Variants in CNTN5 observed in about 807,000 individuals in gnomAD.
CNTN5 encodes contactin-5.
Under a neutral mutation model 129.1 loss-of-function variants are expected in CNTN5, and 77 were observed. That is an observed-to-expected ratio of 0.60 (90% CI 0.50 to 0.72). CNTN5 has a LOEUF of 0.72. CNTN5 is among the 30% of genes least tolerant of loss of function. The pLI, the probability that CNTN5 is intolerant of heterozygous loss-of-function variation, is 0.00. For synonymous variants in CNTN5, 509 were observed against 465.6 expected (o/e 1.09, Z -1.20); for missense variants, 1,478 against 1,328.8 (o/e 1.11, Z -1.75).
At chr11:99,943,171 A>T (rs878929927) in intron 7 of CNTN5, among the ~76,000 whole-genome samples, 2 of 151,986 alleles carry the variant, frequency 1.3e-5, no homozygotes, top group African/African-American at 4.8e-5. Context: ...AAGCGTTTCT[A>T]TTTCTCCACA....
At chr11:100,264,978 G>C (rs1950272976) in intron 17 of CNTN5, among the ~76,000 whole-genome samples, 1 of 152,102 alleles carries the variant, frequency 6.6e-6, no homozygotes, top group Admixed American at 6.6e-5. Flanking sequence ...TTTCTCTAAT[G>C]ATAAGTGATG....
At chr11:99,528,055 A>G (rs530069970) in intron 2 of CNTN5, among the ~76,000 whole-genome samples, 4 of 152,350 alleles carry the variant, frequency 2.6e-5, no homozygotes, top group Admixed American at 2.6e-4. Flanking sequence ...GAAACAATCA[A>G]TATAAAAATA....
intron 2 of CNTN5, among the ~76,000 whole-genome samples, chr11:99,348,326 G>A (rs1176271119): frequency 2.0e-5 from 3 of 152,260 alleles, no homozygotes; most frequent in East Asian, 1.9e-4. Flanking sequence ...GCGACAGAGC[G>A]AGACTCCGTC....
At chr11:100,228,275 A>AT (rs1949420629) in intron 16 of CNTN5, among the ~76,000 whole-genome samples, 1 of 152,172 alleles carries the variant, frequency 6.6e-6, no homozygotes, top group African/African-American at 2.4e-5. Context: ...AACTTGAACA[A>AT]TTTTCACTTC....
intron 6 of CNTN5, among the ~76,000 whole-genome samples, chr11:99,874,476 C>A (rs1024579174): frequency 3.3e-5 from 5 of 152,054 alleles, no homozygotes; most frequent in Non-Finnish European, 1.5e-5. Context: ...TGAATTCTTT[C>A]CTCAGGAGGG....
intron 9 of CNTN5, chr11:100,004,024 T>C (rs142957138): frequency 6.6e-6 from 1 of 152,350 alleles, no homozygotes; most frequent in African/African-American, 2.4e-5. Context: ...CACATTGTCT[T>C]GTGGTGTGGA....
chr11:99,852,900 AT>A (rs1947917779), intron 6 of CNTN5, among the ~76,000 whole-genome samples: 3 of 152,166 alleles, frequency 2.0e-5, no homozygotes, highest in Admixed American at 1.3e-4. Context: ...AGCATAGGAG[AT>A]TCCAAAGCAC....
At chr11:99,929,513 G>T (rs1950142312) in intron 7 of CNTN5, among the ~76,000 whole-genome samples, 1 of 152,196 alleles carries the variant, frequency 6.6e-6, no homozygotes, top group Non-Finnish European at 1.5e-5. Flanking sequence ...TTGGTTGACA[G>T]TTCTGCAGGG....
At chr11:99,676,938 G>A (rs1331102481) in intron 3 of CNTN5, among the ~76,000 whole-genome samples, 1 of 152,094 alleles carries the variant, frequency 6.6e-6, no homozygotes, top group African/African-American at 2.4e-5. Flanking sequence ...ATGCAAGGGT[G>A]TTGCTAGGTT....
chr11:99,375,238 G>T (rs185185240), intron 2 of CNTN5, among the ~76,000 whole-genome samples: 11 of 140,022 alleles, frequency 7.9e-5, no homozygotes, highest in Middle Eastern at 4.3e-3. Context: ...AGGAGGCAAA[G>T]GTTGCAATGA....
intron 6 of CNTN5, among the ~76,000 whole-genome samples, chr11:99,888,928 G>C (rs1175792382): frequency 6.6e-6 from 1 of 152,152 alleles, no homozygotes; most frequent in African/African-American, 2.4e-5. Context: ...TCACAGTTTT[G>C]AGTTGTCAAG....
At chr11:100,012,182 C>T (rs1940570470) in intron 9 of CNTN5, among the ~76,000 whole-genome samples, 3 of 152,066 alleles carry the variant, frequency 2.0e-5, no homozygotes, top group Admixed American at 6.6e-5. Context: ...AAGAAAATTG[C>T]CATCATGAAC....
chr11:99,235,904 G>A (rs922303345), intron 1 of CNTN5, among the ~76,000 whole-genome samples: 30 of 152,186 alleles, frequency 2.0e-4, no homozygotes, highest in African/African-American at 6.5e-4. Flanking sequence ...AGGAAGGCAA[G>A]GAACCTGGAA....
At chr11:100,011,385 T>C (rs1940524124) in intron 9 of CNTN5, among the ~76,000 whole-genome samples, 1 of 152,102 alleles carries the variant, frequency 6.6e-6, no homozygotes, top group South Asian at 2.1e-4. Flanking sequence ...ACAACATCAG[T>C]TTATCCATAA....
intron 1 of CNTN5, among the ~76,000 whole-genome samples, chr11:99,106,768 A>C (rs899109886): frequency 6.6e-5 from 10 of 152,022 alleles, no homozygotes; most frequent in Non-Finnish European, 1.2e-4. Flanking sequence ...GTTATTTTGC[A>C]CTTTTTCTTC....
At chr11:99,507,955 G>GTAAATGT (rs1440493137) in intron 2 of CNTN5, among the ~76,000 whole-genome samples, 1 of 152,176 alleles carries the variant, frequency 6.6e-6, no homozygotes, top group Admixed American at 6.5e-5. Flanking sequence ...TTTTTATGAA[G>GTAAATGT]TAAATGTTAG....
At chr11:99,470,101 A>G (rs931226328) in intron 2 of CNTN5, among the ~76,000 whole-genome samples, 1 of 152,108 alleles carries the variant, frequency 6.6e-6, no homozygotes, top group Admixed American at 6.6e-5. Context: ...AGCTGCTTCA[A>G]GTGTTCTCTG....
intron 3 of CNTN5, among the ~76,000 whole-genome samples, chr11:99,721,291 C>A (rs994584259): frequency 6.6e-6 from 1 of 151,486 alleles, no homozygotes; most frequent in African/African-American, 2.4e-5. Flanking sequence ...AAAACAGGCA[C>A]ATAGAGCAAC....
chr11:100,045,484 TA>T (rs1300328627), intron 9 of CNTN5, among the ~76,000 whole-genome samples: 3 of 152,074 alleles, frequency 2.0e-5, no homozygotes, highest in Non-Finnish European at 4.4e-5. Context: ...GGAGAAAATA[TA>T]AAAATCTAGA....
Sources: gnomAD v4.1 joint callset for allele counts (sites outside exome capture counted in the v4.1 genomes callset) on GRCh38, gnomAD v4.1.1 for gene constraint, MANE v1.5 for transcripts, NCBI Gene and HGNC (gene_info 2026-07-23, HGNC 2026-07-21) for gene names.